The following EVC2 variants were observed in gnomAD, a reference collection of about 807,000 sequenced individuals.
EVC2 encodes the protein limbin.
In EVC2, 148 loss-of-function variants were observed where a neutral mutation model predicts 149.3. The ratio of observed to expected loss-of-function variants is 0.99; its 90% CI spans 0.87 to 1.14. The LOEUF is 1.14. Among genes scored for constraint, EVC2 ranks in the 50% most tolerant of loss-of-function variants. EVC2 has a pLI of 0.00. For missense variants in EVC2, 1,854 were observed against 1,627.3 expected (o/e 1.14, Z -2.40); for synonymous variants, 776 against 649.9 (o/e 1.19, Z -2.95).
chr4:5,673,628 C>T (rs1266160775), intron 7 of EVC2, among the ~76,000 whole-genome samples: 1 of 152,202 alleles, frequency 6.6e-6, no homozygotes, highest in Non-Finnish European at 1.5e-5. Flanking sequence ...CGATTACCAC[C>T]CTTTAATCAC....
intron 9 of EVC2, among the ~76,000 whole-genome samples, chr4:5,642,561 C>T (rs1717416697): frequency 6.6e-6 from 1 of 152,138 alleles, no homozygotes; most frequent in Non-Finnish European, 1.5e-5. Flanking sequence ...TGAAGTGAAT[C>T]ACTTTTTACA....
intron 1 of EVC2, among the ~76,000 whole-genome samples, chr4:5,706,357 C>CATAGATAGATAGATAG (rs1218313634): frequency 2.5e-4 from 1 of 4,022 alleles, no homozygotes. Flanking sequence ...TAGATAGACA[C>CATAGATAGATAGATAG]ATAGATAGAT....
rs1476592474 is a variant in EVC2 at position 5,615,000 on chromosome 4, A to T, written c.2829+422T>A. On this transcript the variant is annotated intron_variant, in intron 16 of 21. Coordinates refer to ENST00000344408, the MANE Select transcript of EVC2 (RefSeq NM_147127.5). This position sits in a 1 kb window ranked among gnomAD's most constrained non-coding sequence, Gnocchi z 4.7. ...TCAAAAAAACCAAAACCAAACAAACAAAAAAAAATGGGGCTGAAGGGAGAG... is the reference window on the plus strand; with the variant it reads ...TCAAAAAAACCAAAACCAAACAAACTAAAAAAAATGGGGCTGAAGGGAGAG... 1.3e-5 allele frequency among the ~76,000 whole-genome samples: 2 copies of T among 151,180 alleles called. No individual in the cohort carries two copies. Among genetic ancestry groups the T allele is most frequent in the Non-Finnish European group, 3.0e-5 (2 of 67,732 alleles).
chr4:5,623,790 AG>A (rs1303185531), intron 13 of EVC2, among the ~76,000 whole-genome samples: 1 of 152,210 alleles, frequency 6.6e-6, no homozygotes, highest in East Asian at 1.9e-4. Flanking sequence ...GACCCAAAGC[AG>A]GTATTTTACC....
rs1328266941 is a variant in EVC2 at position 5,633,641 on chromosome 4, A to T, written c.1471-1609T>A. ...TGGGTACAGCCATCCCAAATGGCCA[A>T]TAAAGGCCTGGCCTTGGGAAGCAGG... On this transcript the variant is annotated intron_variant, in intron 10 of 21. Coordinates refer to ENST00000344408, the MANE Select transcript of EVC2 (RefSeq NM_147127.5). This position sits in a 1 kb window ranked among gnomAD's most constrained non-coding sequence, Gnocchi z 4.4. Among the ~76,000 whole-genome samples, 8 of 152,258 alleles carry T rather than the reference A, an allele frequency of 5.3e-5. No individual in the cohort carries two copies.
chr4:5,676,178 T>C (rs1224401114), intron 7 of EVC2, among the ~76,000 whole-genome samples: 1 of 152,108 alleles, frequency 6.6e-6, no homozygotes, highest in East Asian at 1.9e-4. Flanking sequence ...GTGATTCTTA[T>C]CTTCTCTCAA....
At chr4:5,707,255 C>A (rs1160438927) in intron 1 of EVC2, among the ~76,000 whole-genome samples, 1 of 152,172 alleles carries the variant, frequency 6.6e-6, no homozygotes, top group African/African-American at 2.4e-5. Flanking sequence ...AGGACACTGA[C>A]ATGGCGTTTT....
chr4:5,595,009 G>T (rs1252746266), intron 16 of EVC2, among the ~76,000 whole-genome samples: 1 of 152,056 alleles, frequency 6.6e-6, no homozygotes, highest in Non-Finnish European at 1.5e-5. Flanking sequence ...AAGAAGGGAA[G>T]TTTAGAGAAA....
At chr4:5,674,242 C>A (rs967174766) in intron 7 of EVC2, among the ~76,000 whole-genome samples, 4 of 152,002 alleles carry the variant, frequency 2.6e-5, no homozygotes, top group Non-Finnish European at 4.4e-5. Context: ...CAGGCAGAGA[C>A]AATCACACTT....
intron 21 of EVC2, among the ~76,000 whole-genome samples, chr4:5,555,582 G>A (rs145996864): frequency 6.6e-6 from 1 of 152,012 alleles, no homozygotes; most frequent in Non-Finnish European, 1.5e-5. Flanking sequence ...TATGGTAAAG[G>A]GATCAATTCA....
chr4:5,563,873 C>T (rs1027934713), intron 21 of EVC2, among the ~76,000 whole-genome samples: 2 of 152,040 alleles, frequency 1.3e-5, no homozygotes, highest in East Asian at 1.9e-4. Context: ...AGGCAAAATG[C>T]GTTTGCCATA....
At chr4:5,646,461 A>AG (rs1717724677) in intron 9 of EVC2, among the ~76,000 whole-genome samples, 2 of 152,264 alleles carry the variant, frequency 1.3e-5, no homozygotes, top group South Asian at 4.1e-4. Flanking sequence ...ACTGTTACCT[A>AG]GATCCATGAT....
chr4:5,708,657 T>TTGGCGGGCCAGGAGGTGCC, upstream of EVC2: 1 of 576,336 alleles, frequency 1.7e-6, no homozygotes, highest in South Asian at 3.3e-5. Flanking sequence ...CATCTGGGGC[T>TTGGCGGGCCAGGAGGTGCC]TGGCGGGCCA....
intron 16 of EVC2, among the ~76,000 whole-genome samples, chr4:5,594,216 C>G (rs1577132093): frequency 6.6e-6 from 1 of 152,180 alleles, no homozygotes; most frequent in Non-Finnish European, 1.5e-5. Flanking sequence ...TTGAAGAGAC[C>G]AGTGGTTCTC....
chr4:5,655,646 G>T (rs565120406), intron 9 of EVC2, among the ~76,000 whole-genome samples: 2 of 151,876 alleles, frequency 1.3e-5, no homozygotes, highest in African/African-American at 4.8e-5. Context: ...GACACAACTC[G>T]CGCATCACAG....
intron 12 of EVC2, 152 bp from the exon 13 acceptor site, chr4:5,626,060 A>G (rs1716085674): frequency 1.1e-6 from 1 of 913,696 alleles, no homozygotes; most frequent in African/African-American, 1.7e-5. Context: ...GGCAGCTAAG[A>G]TATTACTAAA....
intron 16 of EVC2, among the ~76,000 whole-genome samples, chr4:5,601,262 A>G (rs891957666): frequency 6.6e-6 from 1 of 152,156 alleles, no homozygotes; most frequent in African/African-American, 2.4e-5. Context: ...ATGAACATGG[A>G]GGTAAGAGTG....
chr4:5,643,613 T>C (rs957104124), intron 9 of EVC2, among the ~76,000 whole-genome samples: 2 of 152,202 alleles, frequency 1.3e-5, no homozygotes, highest in Admixed American at 6.5e-5. Context: ...TACACTGTCA[T>C]TATTACATAT....
chr4:5,621,288 T>C (rs1320139896), intron 14 of EVC2, among the ~76,000 whole-genome samples: 1 of 152,216 alleles, frequency 6.6e-6, no homozygotes, highest in East Asian at 1.9e-4. Context: ...CATTAAAGCA[T>C]CCAAGATGAG....
Sources: allele counts gnomAD v4.1 joint callset (sites outside exome capture counted in the v4.1 genomes callset), GRCh38; gene constraint gnomAD v4.1.1; non-coding constraint Gnocchi (gnomAD v3.1); transcripts MANE v1.5; gene names NCBI Gene and HGNC (gene_info 2026-07-23, HGNC 2026-07-21).